PDZD2: variants seen among roughly 807,000 people sequenced by gnomAD.
PDZD2 encodes PDZ domain-containing protein 2.
Under a neutral mutation model 220.7 loss-of-function variants are expected in PDZD2, and 90 were observed. That is an observed-to-expected ratio of 0.41 (90% confidence interval 0.34 to 0.49). The LOEUF is 0.49. PDZD2 is among the 20% of genes least tolerant of loss of function. The pLI is 0.28. For synonymous variants in PDZD2, 1,375 were observed against 1,450.5 expected, an observed-to-expected ratio of 0.95 and a Z score of 1.18; for missense variants, 3,174 against 3,608.5, an observed-to-expected ratio of 0.88 and a Z score of 3.08.
intron 2 of PDZD2, among the ~76,000 whole-genome samples, chr5:31,891,472 C>T (rs918959920): frequency 1.3e-5 from 2 of 152,130 alleles, no homozygotes; most frequent in African/African-American, 4.8e-5. Context: ...TGTGCCACCA[C>T]GCCCAGCTAA....
At chr5:31,836,703 TCATC>T (rs1490030773) in intron 2 of PDZD2, among the ~76,000 whole-genome samples, 1 of 152,120 alleles carries the variant, frequency 6.6e-6, no homozygotes, top group Non-Finnish European at 1.5e-5. Context: ...AAAGGGTACG[TCATC>T]TGTCCAGGAT....
chr5:32,091,012 C>T lies in PDZD2; in HGVS notation c.7564C>T (p.Pro2522Ser). The T allele has an allele frequency of 6.2e-7, 1 of 1,613,876 alleles. No homozygotes were observed. The change falls in exon 20 of 25, where the codon CCT becomes TCT. Residue 2522 changes from proline (P) to serine (S), a missense_variant. Physicochemically the swap from Pro to Ser is moderately conservative, Grantham distance 74 (BLOSUM62 -1). Transcript: ENST00000438447. Reference protein sequence around the residue: ...TELEITPRRSPGPPAGGVSCP... With the variant: ...TELEITPRRSSGPPAGGVSCP... ...GCTGGAGATCACCCCCAGGAGGTCA[C>T]CTGGCCCTCCTGCTGGAGGCGTTTC...
At chr5:31,923,779 G>A (rs1272043815) in intron 2 of PDZD2, among the ~76,000 whole-genome samples, 2 of 152,138 alleles carry the variant, frequency 1.3e-5, no homozygotes, top group Non-Finnish European at 2.9e-5. Context: ...CAGTGGCATG[G>A]GGTATTTGTT....
Position 31,829,297 on chromosome 5 carries a change from C to G in PDZD2, c.476+29573C>G, listed in dbSNP as rs141538900. On this transcript the variant is annotated intron_variant, in intron 2 of 24. Transcript: ENST00000438447. ...AAACTTATCTTTGAAATACGATATA[C>G]GTAAAGGCACATATCAAAAGTATTC... is the stretch of plus-strand genomic sequence containing the variant. 4.6e-5 allele frequency among the ~76,000 whole-genome samples: 7 copies of G among 151,142 alleles called. No individual in the cohort carries two copies. In the Admixed American group the frequency reaches 4.6e-4, roughly 10 times the overall value.
chr5:31,855,000 G>A (rs1758308567), intron 2 of PDZD2: 2 of 985,464 alleles, frequency 2.0e-6, no homozygotes, highest in African/African-American at 3.5e-5. Context: ...GAGGGCAGCT[G>A]GCAGCCGCCC....
At chr5:32,084,270 A>G (rs185843266) in intron 19 of PDZD2, among the ~76,000 whole-genome samples, 1 of 152,336 alleles carries the variant, frequency 6.6e-6, no homozygotes, top group East Asian at 1.9e-4. Flanking sequence ...CAGAGGCCAC[A>G]TAGTCAGGGT....
chr5:32,054,615 GTGTC>G (rs1214466996), intron 10 of PDZD2, among the ~76,000 whole-genome samples: 2 of 151,992 alleles, frequency 1.3e-5, no homozygotes, highest in African/African-American at 4.8e-5. Flanking sequence ...ATGAGCCACT[GTGTC>G]TGGCCCTAAA....
In PDZD2 at chr5:31,666,587, G is replaced by GA. The variant is rs528275385; in HGVS notation, c.-361+27153dup. Among the ~76,000 whole-genome samples the GA allele has an allele frequency of 4.6e-5, 7 of 152,280 alleles. No individual in the cohort carries two copies. The South Asian group carries it at 1.0e-3, about 23-fold the overall frequency. Reference sequence around the variant, plus strand: ...AATAGAACCATGAGCTGGGTGCTCAGAAACAAACTTGGCAGAATGGTTTAG... The same window carrying GA: ...AATAGAACCATGAGCTGGGTGCTCAGAAAACAAACTTGGCAGAATGGTTTAG... On this transcript the variant is annotated intron_variant, in intron 1 of 24. Coordinates refer to ENST00000438447, the MANE Select transcript of PDZD2 (RefSeq NM_178140.4).
intron 2 of PDZD2, chr5:31,908,294 C>G: frequency 4.3e-6 from 1 of 234,212 alleles, no homozygotes; most frequent in East Asian, 1.1e-4. Flanking sequence ...GAGCGCAGCT[C>G]CAAGCTCCGG....
At chr5:31,898,952 C>T (rs141111153) in intron 2 of PDZD2, among the ~76,000 whole-genome samples, 1,749 of 151,656 alleles carry the variant, frequency 0.012, 34 homozygotes, top group African/African-American at 0.041. Context: ...CTCAGCCTCC[C>T]GAGTAGCTGG....
At chr5:31,872,837 T>C (rs1231349575) in intron 2 of PDZD2, among the ~76,000 whole-genome samples, 2 of 152,070 alleles carry the variant, frequency 1.3e-5, no homozygotes, top group Non-Finnish European at 2.9e-5. Context: ...AACCAGTGGA[T>C]TGCATATACG....
chr5:31,989,420 T>TTTTTTTTTTTTTTTTTTTTTTTTATTTA (rs1561277778), intron 3 of PDZD2, among the ~76,000 whole-genome samples: 2 of 136,870 alleles, frequency 1.5e-5, no homozygotes, highest in East Asian at 2.8e-4. Flanking sequence ...CATTTTCTTT[T>TTTTTTTTTTTTTTTTTTTTTTTTATTTA]CTTTTTTTTT....
chr5:31,722,449 C>T (rs1404686843), intron 1 of PDZD2, among the ~76,000 whole-genome samples: 2 of 150,294 alleles, frequency 1.3e-5, no homozygotes, highest in Non-Finnish European at 3.0e-5. Flanking sequence ...TTATGTTTTT[C>T]CCCTTCATTT....
At chr5:32,049,596 A>G (rs747925241) in intron 8 of PDZD2, among the ~76,000 whole-genome samples, 53 of 152,206 alleles carry the variant, frequency 3.5e-4, no homozygotes, top group Admixed American at 6.5e-4. Flanking sequence ...TATTTTGCCC[A>G]AGGTGATATG....
intron 5 of PDZD2, among the ~76,000 whole-genome samples, chr5:32,003,420 ACC>A (rs148091252): frequency 2.8e-4 from 14 of 50,318 alleles, no homozygotes; most frequent in South Asian, 1.1e-3. Flanking sequence ...CCACACACAC[ACC>A]CCCCCCACAC....
At chr5:31,670,664 G>T (rs1040696442) in intron 1 of PDZD2, among the ~76,000 whole-genome samples, 2 of 151,784 alleles carry the variant, frequency 1.3e-5, no homozygotes, top group Admixed American at 6.6e-5. Context: ...CTCGTGATCC[G>T]CCCGCCTCAG....
intron 6 of PDZD2, among the ~76,000 whole-genome samples, chr5:32,026,543 G>A (rs72759700): frequency 0.071 from 10,804 of 152,108 alleles, 520 homozygotes; most frequent in Non-Finnish European, 0.1. Flanking sequence ...GTGTATGCGT[G>A]CACGTGCACG....
At chr5:31,747,045 G>A (rs992306639) in intron 1 of PDZD2, among the ~76,000 whole-genome samples, 2 of 152,140 alleles carry the variant, frequency 1.3e-5, no homozygotes, top group Admixed American at 6.5e-5. Context: ...TGTGGTGGCG[G>A]ATGCCTGTAA....
chr5:31,977,645 A>G (rs1342258396), intron 2 of PDZD2, among the ~76,000 whole-genome samples: 1 of 152,196 alleles, frequency 6.6e-6, no homozygotes, highest in African/African-American at 2.4e-5. Flanking sequence ...AAGGAGGAGG[A>G]CGTGATGTGT....
Sources: gnomAD v4.1 joint callset for allele counts (sites outside exome capture counted in the v4.1 genomes callset) on GRCh38, gnomAD v4.1.1 for gene constraint, MANE v1.5 for transcripts, NCBI Gene and HGNC (gene_info 2026-07-23, HGNC 2026-07-21) for gene names.